Variants in TTC7B observed in about 807,000 individuals in gnomAD.
TTC7B encodes tetratricopeptide repeat domain 7B, also known as tetratricopeptide repeat protein 7B.
Under a neutral mutation model 106.8 loss-of-function variants are expected in TTC7B, and 28 were observed. The ratio of observed to expected loss-of-function variants is 0.26; its 90% confidence interval spans 0.19 to 0.36. The LOEUF is 0.36. TTC7B is among the 10% of genes least tolerant of loss of function. TTC7B has a pLI of 1.00. For synonymous variants in TTC7B, 405 were observed against 430.6 expected (o/e 0.94, Z 0.74); for missense variants, 862 against 1,076.4 (o/e 0.80, Z 2.79).
chr14:90,777,497 C>A (rs1397406735), intron 3 of TTC7B, among the ~76,000 whole-genome samples: 1 of 152,100 alleles, frequency 6.6e-6, no homozygotes, highest in Non-Finnish European at 1.5e-5. Context: ...CAAAGGCTAA[C>A]GTTGGCTGGC....
intron 7 of TTC7B, among the ~76,000 whole-genome samples, chr14:90,683,668 C>T (rs914556839): frequency 6.6e-6 from 1 of 152,088 alleles, no homozygotes; most frequent in Non-Finnish European, 1.5e-5. Flanking sequence ...TCACGCAGCC[C>T]AGTGCAGGTC....
intron 5 of TTC7B, among the ~76,000 whole-genome samples, chr14:90,702,458 G>T (rs560202816): frequency 3.3e-5 from 5 of 152,048 alleles, no homozygotes; most frequent in African/African-American, 1.2e-4. Context: ...AAACTAGTCA[G>T]TAAATGTAGG....
At chr14:90,671,825 T>A (rs1008224014) in intron 9 of TTC7B, among the ~76,000 whole-genome samples, 1 of 152,196 alleles carries the variant, frequency 6.6e-6, no homozygotes, top group Non-Finnish European at 1.5e-5. Flanking sequence ...GGCACGATGA[T>A]GTGGTGCACA....
At chr14:90,810,384 A>C (rs1242747299) in intron 1 of TTC7B, among the ~76,000 whole-genome samples, 1 of 152,200 alleles carries the variant, frequency 6.6e-6, no homozygotes, top group African/African-American at 2.4e-5. Context: ...TACCCCCCAT[A>C]GGAAGCAGGT....
intron 5 of TTC7B, among the ~76,000 whole-genome samples, chr14:90,723,312 C>G (rs927395488): frequency 1.3e-5 from 2 of 152,162 alleles, no homozygotes; most frequent in African/African-American, 4.8e-5. Flanking sequence ...GTCTCTATAC[C>G]CTTTGTTATC....
At chr14:90,561,955 C>T (rs1890609589) in intron 19 of TTC7B, among the ~76,000 whole-genome samples, 2 of 152,230 alleles carry the variant, frequency 1.3e-5, no homozygotes, top group Admixed American at 6.5e-5. Context: ...CCTCATTTCC[C>T]TCCTGCTCCC....
At chr14:90,661,980 C>T (rs1181792820) in intron 9 of TTC7B, among the ~76,000 whole-genome samples, 1 of 152,150 alleles carries the variant, frequency 6.6e-6, no homozygotes, top group Non-Finnish European at 1.5e-5. Context: ...ATTCCAGGTG[C>T]TACAGGAAAG....
chr14:90,757,659 C>T lies in TTC7B; in HGVS notation c.446-12737G>A, dbSNP rs893855123. On this transcript the variant is annotated intron_variant, in intron 3 of 19. Transcript: ENST00000328459. This position sits in a 1 kb window ranked among gnomAD's most constrained non-coding sequence, Gnocchi z 4.1. ...CCAACAGACTGGAGACTTTTTCTGC[C>T]GGGGAAAAGGCAATGTCAGTGGTCA... is the stretch of plus-strand genomic sequence containing the variant. 5.3e-5 allele frequency among the ~76,000 whole-genome samples: 8 copies of T among 152,090 alleles called. No homozygotes were observed. The highest frequency in any genetic ancestry group is 2.0e-4 in the Admixed American group (3 of 15,270).
rs1225570437 is a variant in TTC7B at position 90,757,236 on chromosome 14, T to C, written c.446-12314A>G. The stretch of plus-strand genomic sequence containing the variant: ...CGTTCCCTCCACTCATGGACTTTTC[T>C]ATAAAACTACTTGTTTCACTGCACC... On this transcript the variant is annotated intron_variant, in intron 3 of 19. Transcript: ENST00000328459. This position sits in a 1 kb window ranked among gnomAD's most constrained non-coding sequence, Gnocchi z 4.1. Among the ~76,000 whole-genome samples the C allele has an allele frequency of 1.3e-5, 2 of 152,188 alleles. No homozygotes were observed. Among genetic ancestry groups the C allele is most frequent in the African/African-American group, 4.8e-5 (2 of 41,456 alleles).
intron 17 of TTC7B, among the ~76,000 whole-genome samples, chr14:90,603,004 C>T (rs1892493053): frequency 6.6e-6 from 1 of 152,188 alleles, no homozygotes; most frequent in Admixed American, 6.5e-5. Context: ...TTTTTCCCTG[C>T]AATGCCTTCT....
intron 5 of TTC7B, chr14:90,699,085 T>C (rs1024279217): frequency 4.5e-6 from 2 of 440,920 alleles, no homozygotes; most frequent in Non-Finnish European, 9.1e-6. Flanking sequence ...TAGGTTCCAG[T>C]TCCCCCTTGG....
chr14:90,724,876 C>T (rs17126986), intron 5 of TTC7B, among the ~76,000 whole-genome samples: 39,355 of 152,106 alleles, frequency 0.26, 6,140 homozygotes, highest in East Asian at 0.44. Flanking sequence ...ATAAATGGGC[C>T]TGGAATCTTC....
intron 2 of TTC7B, among the ~76,000 whole-genome samples, chr14:90,781,954 T>A (rs192036363): frequency 2.7e-4 from 41 of 152,350 alleles, no homozygotes; most frequent in Non-Finnish European, 4.7e-4. Context: ...TTATCTTCTG[T>A]GGCCAGACCT....
intron 14 of TTC7B, 178 bp downstream of exon 14, chr14:90,646,773 G>C (rs940670908): frequency 3.2e-6 from 2 of 617,094 alleles, no homozygotes; most frequent in African/African-American, 3.7e-5. Context: ...CTTCACAGCT[G>C]ATGCTCAAAC....
In TTC7B at chr14:90,540,242, A is replaced by G. The variant is rs1301065593; in HGVS notation, c.*1126T>C. The G allele has an allele frequency of 1.3e-5, 2 of 152,246 alleles. No individual in the cohort carries two copies. Among genetic ancestry groups the G allele is most frequent in the African/African-American group, 4.8e-5 (2 of 41,446 alleles). 9.4% of individuals were successfully genotyped at this position (152,246 alleles called of 1,614,324 possible). A position where few individuals can be genotyped will look rare whatever the true frequency, so the allele number is the denominator to read the frequency against. Reference sequence around the variant, plus strand: ...AGTTCAGGACCAGCCTGGGTAACACAGTGAGATCCCGTCTCTACAAAAACA... The same window carrying G: ...AGTTCAGGACCAGCCTGGGTAACACGGTGAGATCCCGTCTCTACAAAAACA... On this transcript the variant is annotated 3_prime_UTR_variant, in exon 20 of 20. Transcript: ENST00000328459.
At chr14:90,780,648 A>G in intron 3 of TTC7B, 90 bp downstream of exon 3, 1 of 1,455,644 alleles carries the variant, frequency 6.9e-7, no homozygotes, top group Non-Finnish European at 9.2e-7. Context: ...GTTCATCACC[A>G]GCCAAGGGCC....
At chr14:90,659,036 A>G (rs539898669) in intron 9 of TTC7B, among the ~76,000 whole-genome samples, 61 of 152,332 alleles carry the variant, frequency 4.0e-4, no homozygotes, top group African/African-American at 1.4e-3. Context: ...CAAAGTGGAT[A>G]GAATGGTCCA....
At chr14:90,572,733 C>T (rs930845205) in intron 19 of TTC7B, among the ~76,000 whole-genome samples, 1 of 152,216 alleles carries the variant, frequency 6.6e-6, no homozygotes, top group Non-Finnish European at 1.5e-5. Context: ...TTTGGGCCCA[C>T]CATGCCCGGA....
In TTC7B at chr14:90,786,192, C is replaced by T; in HGVS notation, c.258G>A (p.Leu86=). ...TEVRKHLTAA[L]DRGNLKSEFL... ...ATGGTACCTTAAGGTTCCCTCGGTC[C>T]AGGGCGGCGGTCAGATGCTTGCGGA... The change falls in exon 2 of 20, where the codon CTG becomes CTA. Residue 86 remains leucine, a synonymous_variant. Coordinates refer to ENST00000328459, the MANE Select transcript of TTC7B (RefSeq NM_001010854.2). 3.2e-6 allele frequency: 5 copies of T among 1,575,852 alleles called. No individual in the cohort carries two copies. Among genetic ancestry groups the T allele is most frequent in the Non-Finnish European group, 4.3e-6 (5 of 1,163,126 alleles).
Sources: allele counts gnomAD v4.1 joint callset (sites outside exome capture counted in the v4.1 genomes callset), GRCh38; gene constraint gnomAD v4.1.1; non-coding constraint Gnocchi (gnomAD v3.1); transcripts MANE v1.5; gene names NCBI Gene and HGNC (gene_info 2026-07-23, HGNC 2026-07-21).